CNNM4: variants seen among roughly 807,000 people sequenced by gnomAD.
The protein encoded by CNNM4 is metal transporter CNNM4.
In CNNM4, 32 loss-of-function variants were observed where a neutral mutation model predicts 53.7. That is an observed-to-expected ratio of 0.60 (90% confidence interval 0.45 to 0.80). The LOEUF (loss-of-function observed/expected upper bound fraction) is 0.80, where lower values mean the gene tolerates loss of function less well. Ranked by LOEUF, CNNM4 falls within the 30% of genes least tolerant of loss-of-function variation. The pLI, the probability that CNNM4 is intolerant of heterozygous loss-of-function variation, is 0.00. For synonymous variants in CNNM4, 410 were observed against 440.0 expected, an observed-to-expected ratio of 0.93 and a Z score of 0.85; for missense variants, 784 against 1,022.0, an observed-to-expected ratio of 0.77 and a Z score of 3.17.
chr2:96,788,235 GT>G (rs763299058), intron 1 of CNNM4, among the ~76,000 whole-genome samples: 29 of 150,574 alleles, frequency 1.9e-4, no homozygotes, highest in Non-Finnish European at 3.1e-4. Context: ...GTACTACACT[GT>G]TTTAATCGCT....
chr2:96,801,573 G>A lies in CNNM4; in HGVS notation c.1948+1925G>A, dbSNP rs2079158426. Among the ~76,000 whole-genome samples, 1 of 141,086 alleles carries A rather than the reference G, an allele frequency of 7.1e-6. No homozygotes were observed. The highest frequency in any genetic ancestry group is 2.7e-5 in the African/African-American group (1 of 36,888). 92.6% of individuals were successfully genotyped at this position (141,086 alleles called of 152,430 possible). A position where few individuals can be genotyped will look rare whatever the true frequency, so the allele number is the denominator to read the frequency against. On this transcript the variant is annotated intron_variant, in intron 5 of 6. Coordinates refer to ENST00000377075, the MANE Select transcript of CNNM4 (RefSeq NM_020184.4). The surrounding 1 kb of genome is among the most constrained non-coding windows in gnomAD (Gnocchi z 5.6). ...CACACACACAGAGACCACACACAGAGATAGCACACACACAGAGAGACCACA... is the reference window on the plus strand; with the variant it reads ...CACACACACAGAGACCACACACAGAAATAGCACACACACAGAGAGACCACA...
intron 1 of CNNM4, among the ~76,000 whole-genome samples, chr2:96,789,787 G>A (rs901371528): frequency 4.0e-5 from 6 of 151,486 alleles, no homozygotes; most frequent in African/African-American, 1.5e-4. Context: ...CCGCCTCCTA[G>A]GTTCAAGTGA....
At position 96,809,847 on chromosome 2, in the gene CNNM4, T is replaced by TA. The variant is rs572669200; in HGVS notation, c.*340dup. 198 of 207,880 alleles carry TA rather than the reference T, an allele frequency of 9.5e-4. No individual in the cohort carries two copies. The highest frequency in any genetic ancestry group is 1.7e-3 in the East Asian group (16 of 9,688). The allele number at this position is 207,880 out of a possible 1,614,324, so 12.9% of individuals were successfully genotyped here. On this transcript the variant is annotated 3_prime_UTR_variant, in exon 7 of 7. Transcript: ENST00000377075. Reference sequence around the variant, plus strand: ...GAAGACAGGGTTAAGGAACTTTATTTAAAAAAAAAATATTTTTTTCCTAAA... The same window carrying TA: ...GAAGACAGGGTTAAGGAACTTTATTTAAAAAAAAAAATATTTTTTTCCTAAA...
intron 1 of CNNM4, among the ~76,000 whole-genome samples, chr2:96,772,558 T>C (rs1487215520): frequency 2.9e-3 from 135 of 46,408 alleles, no homozygotes; most frequent in East Asian, 3.1e-3. Context: ...TGCACACACA[T>C]ACACACTCAT....
At chr2:96,794,172 T>A (rs1243127287) in intron 1 of CNNM4, among the ~76,000 whole-genome samples, 1 of 152,166 alleles carries the variant, frequency 6.6e-6, no homozygotes, top group Non-Finnish European at 1.5e-5. Context: ...GCTCGATCTG[T>A]GGCAGTAAAA....
intron 1 of CNNM4, among the ~76,000 whole-genome samples, chr2:96,787,211 A>T (rs1206512319): frequency 6.6e-6 from 1 of 152,246 alleles, no homozygotes; most frequent in African/African-American, 2.4e-5. Flanking sequence ...AAGGTCTTGC[A>T]TATTTTACAT....
chr2:96,776,336 G>GT (rs201608749), intron 1 of CNNM4, among the ~76,000 whole-genome samples: 492 of 150,752 alleles, frequency 3.3e-3, no homozygotes, highest in Non-Finnish European at 5.2e-3. Flanking sequence ...CCGCCATTGT[G>GT]TTTTTTTTTA....
chr2:96,763,366 A>G (rs1293889471), intron 1 of CNNM4, among the ~76,000 whole-genome samples: 1 of 152,052 alleles, frequency 6.6e-6, no homozygotes, highest in Non-Finnish European at 1.5e-5. Flanking sequence ...CCATTCAGAA[A>G]CCCTCAAAGT....
chr2:96,765,698 G>C (rs1208021820), intron 1 of CNNM4, among the ~76,000 whole-genome samples: 1 of 152,102 alleles, frequency 6.6e-6, no homozygotes, highest in African/African-American at 2.4e-5. Flanking sequence ...AAAGAGACGG[G>C]TCTCCAGTAA....
intron 1 of CNNM4, among the ~76,000 whole-genome samples, chr2:96,784,772 T>C (rs113364353): frequency 0.062 from 9,476 of 152,226 alleles, 1,001 homozygotes; most frequent in African/African-American, 0.22. Context: ...ACAGTAGATG[T>C]AGGGCAACTC....
intron 1 of CNNM4, among the ~76,000 whole-genome samples, chr2:96,785,695 T>A (rs533110147): frequency 1.3e-5 from 2 of 152,056 alleles, no homozygotes; most frequent in Non-Finnish European, 2.9e-5. Context: ...TCCCAGCTAT[T>A]CTGGAGGCTG....
intron 1 of CNNM4, among the ~76,000 whole-genome samples, chr2:96,782,166 C>T (rs559299900): frequency 2.0e-5 from 3 of 152,198 alleles, no homozygotes; most frequent in East Asian, 1.9e-4. Flanking sequence ...ATCGGCCAGG[C>T]GTGGTGGCTC....
At chr2:96,778,118 T>G (rs908172933) in intron 1 of CNNM4, among the ~76,000 whole-genome samples, 1 of 151,606 alleles carries the variant, frequency 6.6e-6, no homozygotes, top group African/African-American at 2.4e-5. Context: ...CTGCCCACCT[T>G]GCCCTCCCAA....
At chr2:96,776,036 T>TC (rs1345043792) in intron 1 of CNNM4, among the ~76,000 whole-genome samples, 1 of 149,888 alleles carries the variant, frequency 6.7e-6, no homozygotes, top group East Asian at 1.9e-4. Context: ...GGTTTTTTTT[T>TC]TTTTTTTTTT....
intron 1 of CNNM4, among the ~76,000 whole-genome samples, chr2:96,793,433 C>T (rs866358482): frequency 6.6e-6 from 1 of 152,218 alleles, no homozygotes; most frequent in African/African-American, 2.4e-5. Flanking sequence ...GTTGGCCAGC[C>T]ATCAGGCAGT....
chr2:96,796,004 C>T (rs918064320), intron 1 of CNNM4, among the ~76,000 whole-genome samples: 18 of 152,092 alleles, frequency 1.2e-4, no homozygotes, highest in African/African-American at 4.1e-4. Flanking sequence ...GAGGGGGTGG[C>T]CCCTCTCTAA....
intron 1 of CNNM4, among the ~76,000 whole-genome samples, chr2:96,778,975 G>A (rs2078949743): frequency 6.6e-6 from 1 of 151,236 alleles, no homozygotes. Flanking sequence ...TTATTTTTTT[G>A]AGATGGAGTC....
chr2:96,776,681 C>T (rs929666577), intron 1 of CNNM4, among the ~76,000 whole-genome samples: 5 of 152,158 alleles, frequency 3.3e-5, no homozygotes, highest in Non-Finnish European at 7.3e-5. Context: ...TGATGCATCT[C>T]GGCTCACTGC....
intron 1 of CNNM4, among the ~76,000 whole-genome samples, chr2:96,772,382 C>A (rs570981652): frequency 6.8e-6 from 1 of 147,650 alleles, no homozygotes; most frequent in East Asian, 2.0e-4. Context: ...CACGTGCGCA[C>A]ACACACTCAT....
Sources: gnomAD v4.1 joint callset for allele counts (sites outside exome capture counted in the v4.1 genomes callset) on GRCh38, gnomAD v4.1.1 for gene constraint, Gnocchi (gnomAD v3.1) non-coding constraint, MANE v1.5 for transcripts, NCBI Gene and HGNC (gene_info 2026-07-23, HGNC 2026-07-21) for gene names.